The following TAOK3 variants were observed in gnomAD, a reference collection of about 807,000 sequenced individuals.
TAOK3 encodes serine/threonine-protein kinase TAO3.
A neutral mutation model predicts 120.4 loss-of-function variants in TAOK3; 40 were observed. That is an observed-to-expected ratio of 0.33 (90% confidence interval 0.26 to 0.43). TAOK3 has a LOEUF of 0.43. Among genes scored for constraint, TAOK3 ranks in the 20% least tolerant of loss-of-function variants. The pLI is 1.00. For synonymous variants in TAOK3, 355 were observed against 387.5 expected (o/e 0.92, Z 0.99); for missense variants, 821 against 1,112.1 (o/e 0.74, Z 3.72).
chr12:118,152,433 G>A (rs1176055618), intron 19 of TAOK3, 24 bp from the exon 20 acceptor site: 6 of 1,588,986 alleles, frequency 3.8e-6, no homozygotes, highest in South Asian at 1.1e-5. Context: ...AGACACACAC[G>A]GTCATGCACC....
Position 118,272,146 on chromosome 12 carries a change from A to C in TAOK3, c.-193-5387T>G, listed in dbSNP as rs187554829. 3.6e-3 allele frequency among the ~76,000 whole-genome samples: 541 copies of C among 152,330 alleles called. 1 individual carries two copies. Among genetic ancestry groups the C allele is most frequent in the African/African-American group, 0.012 (502 of 41,582 alleles). On this transcript the variant is annotated intron_variant, in intron 1 of 20. Transcript: ENST00000392533. ...ACAAGACATTCTAACTTACTATAAG[A>C]AAGAACACTGGTGGCGCATGCCTGT...
intron 1 of TAOK3, among the ~76,000 whole-genome samples, chr12:118,357,252 A>G (rs1047990318): frequency 6.6e-6 from 1 of 152,212 alleles, no homozygotes; most frequent in Non-Finnish European, 1.5e-5. Context: ...CTTTTTCATA[A>G]GACATGATTA....
chr12:118,182,263 T>C (rs1459368602), intron 14 of TAOK3, among the ~76,000 whole-genome samples: 1 of 152,120 alleles, frequency 6.6e-6, no homozygotes, highest in African/African-American at 2.4e-5. Context: ...TCACATATAT[T>C]ACATGTTCAC....
At chr12:118,238,362 C>T (rs181584013) in intron 6 of TAOK3, among the ~76,000 whole-genome samples, 193 bp from the exon 7 acceptor site, 80 of 152,214 alleles carry the variant, frequency 5.3e-4, no homozygotes, top group Non-Finnish European at 8.8e-4. Flanking sequence ...ACAAATGACC[C>T]TTCAAAACAA....
chr12:118,314,180 T>A (rs1177936492), intron 1 of TAOK3, among the ~76,000 whole-genome samples: 2 of 151,974 alleles, frequency 1.3e-5, no homozygotes, highest in African/African-American at 4.8e-5. Context: ...TGCAAAAGAG[T>A]TGGGTCCCAA....
chr12:118,358,044 G>C (rs1224211669), intron 1 of TAOK3, among the ~76,000 whole-genome samples: 2 of 152,116 alleles, frequency 1.3e-5, no homozygotes, highest in African/African-American at 2.4e-5. Flanking sequence ...TCACATGTTA[G>C]CCTATGCATT....
intron 1 of TAOK3, among the ~76,000 whole-genome samples, chr12:118,322,718 C>CTTTTTTTTT (rs199608892): frequency 6.4e-5 from 6 of 93,836 alleles, no homozygotes; most frequent in Admixed American, 1.3e-4. Flanking sequence ...ATTTAAAAAC[C>CTTTTTTTTT]TTTTTTTTTT....
At chr12:118,340,776 TA>T (rs1323607735) in intron 1 of TAOK3, among the ~76,000 whole-genome samples, 1,400 of 122,708 alleles carry the variant, frequency 0.011, 11 homozygotes, top group Middle Eastern at 0.023. Flanking sequence ...ATAAGAACCA[TA>T]AAAAAAAAAA....
At chr12:118,192,072 T>G (rs558564541) in intron 13 of TAOK3, among the ~76,000 whole-genome samples, 30 of 152,332 alleles carry the variant, frequency 2.0e-4, no homozygotes, top group East Asian at 1.2e-3. Flanking sequence ...AAACAAAATT[T>G]ATTCATGTAC....
intron 1 of TAOK3, among the ~76,000 whole-genome samples, chr12:118,362,363 C>T (rs1032775053): frequency 7.7e-5 from 11 of 142,906 alleles, no homozygotes; most frequent in African/African-American, 2.8e-4. Context: ...TCACATAAAT[C>T]TCACAATGTT....
At chr12:118,251,598 GT>G (rs1446293516) in intron 3 of TAOK3, among the ~76,000 whole-genome samples, 1 of 152,178 alleles carries the variant, frequency 6.6e-6, no homozygotes, top group Non-Finnish European at 1.5e-5. Flanking sequence ...AGCCTTTAGA[GT>G]TGTAAACAAA....
At chr12:118,163,869 G>A (rs1409075600) in intron 17 of TAOK3, among the ~76,000 whole-genome samples, 3 of 151,962 alleles carry the variant, frequency 2.0e-5, no homozygotes, top group Admixed American at 6.6e-5. Context: ...ATGCCACCAC[G>A]CCTGGCTAAC....
intron 9 of TAOK3, among the ~76,000 whole-genome samples, chr12:118,218,369 G>A (rs1006426371): frequency 6.6e-6 from 1 of 152,006 alleles, no homozygotes; most frequent in African/African-American, 2.4e-5. Flanking sequence ...AGGTATCTGT[G>A]GGGGACTGGT....
Position 118,352,952 on chromosome 12 carries a change from CATTT to C in TAOK3, c.-194+19692_-194+19695del, listed in dbSNP as rs1443545837. 5.9e-5 allele frequency among the ~76,000 whole-genome samples: 9 copies of C among 152,144 alleles called. No individual in the cohort carries two copies. The East Asian group carries it at 1.7e-3, about 29-fold the overall frequency. On this transcript the variant is annotated intron_variant, in intron 1 of 20. Transcript: ENST00000392533. The stretch of plus-strand genomic sequence containing the variant: ...CTCGAACTCCTGACCTCAGGTGATC[CATTT>C]ACCTTGACCTCCCAAAGTGTTGGGA...
intron 17 of TAOK3, among the ~76,000 whole-genome samples, chr12:118,168,972 CCTTCCTTCCTTCCT>C (rs2035791794): frequency 1.7e-5 from 1 of 60,588 alleles, no homozygotes; most frequent in Non-Finnish European, 3.9e-5. Context: ...TTCCTTCCTT[CCTTCCTTCCTTCCT>C]TCCTTCCTTC....
chr12:118,348,847 T>TTC (rs1361442522), intron 1 of TAOK3, among the ~76,000 whole-genome samples: 1 of 144,104 alleles, frequency 6.9e-6, no homozygotes, highest in Non-Finnish European at 1.5e-5. Context: ...AATAATTTCT[T>TTC]TTTTTTTTTT....
intron 3 of TAOK3, among the ~76,000 whole-genome samples, chr12:118,254,134 ATTTG>A (rs1315144516): frequency 1.3e-5 from 2 of 152,186 alleles, no homozygotes; most frequent in Non-Finnish European, 2.9e-5. Flanking sequence ...AATTTTGGCT[ATTTG>A]TTTTTCTCAT....
At chr12:118,201,194 T>A in intron 12 of TAOK3, 102 bp downstream of exon 12, 1 of 1,076,122 alleles carries the variant, frequency 9.3e-7, no homozygotes, top group Non-Finnish European at 1.3e-6. Flanking sequence ...GCGGACAGCA[T>A]CAATTAATTT....
intron 1 of TAOK3, among the ~76,000 whole-genome samples, chr12:118,327,420 CACTT>C (rs1236825529): frequency 3.3e-5 from 5 of 152,082 alleles, no homozygotes; most frequent in African/African-American, 1.2e-4. Flanking sequence ...AAGTTTGAAA[CACTT>C]ATTTATATAA....
Sources: gnomAD v4.1 joint callset for allele counts (sites outside exome capture counted in the v4.1 genomes callset) on GRCh38, gnomAD v4.1.1 for gene constraint, MANE v1.5 for transcripts, NCBI Gene and HGNC (gene_info 2026-07-23, HGNC 2026-07-21) for gene names.